Variants in SYT13 observed in about 807,000 individuals in gnomAD.
The protein encoded by SYT13 is synaptotagmin 13, also known as synaptotagmin-13.
SYT13 carries 21 observed loss-of-function variants against 38.6 expected under a neutral mutation model. The ratio of observed to expected loss-of-function variants is 0.54; its 90% CI spans 0.39 to 0.78. The LOEUF is 0.78. Ranked by LOEUF, SYT13 falls within the 30% of genes least tolerant of loss-of-function variation. The pLI is 0.00. For missense variants in SYT13, 495 were observed against 548.7 expected (o/e 0.90, Z 0.98); for synonymous variants, 241 against 237.6 (o/e 1.01, Z -0.13).
rs1230089176 is a variant in SYT13, at chr11:45,286,246, C to T, written c.-39G>A. On this transcript the variant is annotated 5_prime_UTR_variant, in exon 1 of 6. Transcript: ENST00000020926. The stretch of plus-strand genomic sequence containing the variant: ...GGCGAGGGGCTGGGTCCCGCAGCCG[C>T]TCACCTTCCCCGGGCCGGGCCCGCC... 1.9e-5 allele frequency: 28 copies of T among 1,493,844 alleles called. No homozygotes were observed. The highest frequency in any genetic ancestry group is 2.3e-5 in the Non-Finnish European group (26 of 1,124,340). 92.5% of individuals were successfully genotyped at this position (1,493,844 alleles called of 1,614,324 possible). A position where few individuals can be genotyped will look rare whatever the true frequency, so the allele number is the denominator to read the frequency against.
intron 1 of SYT13, among the ~76,000 whole-genome samples, chr11:45,271,742 C>A (rs1054406330): frequency 1.1e-4 from 17 of 152,116 alleles, no homozygotes; most frequent in Admixed American, 1.1e-3. Context: ...AGAAAACCAA[C>A]CTGGAGACAC....
rs753673371 is a variant in SYT13 at position 45,254,294 on chromosome 11, C to T, written c.520G>A (p.Glu174Lys). ...YCLDYDCQKAELFVTRLEAVT... is the reference protein window; with the variant it reads ...YCLDYDCQKAKLFVTRLEAVT... ...CCTTCCAGGCGAGTCACAAACAATT[C>T]TGCCTTCTGACAGTCATAGTCCAGG... Residue 174 changes from glutamate (E) to lysine (K), a missense_variant, in exon 3 of 6, where the codon GAA becomes AAA. Coordinates refer to ENST00000020926, the MANE Select transcript of SYT13 (RefSeq NM_020826.3). 3.1e-6 allele frequency: 5 copies of T among 1,612,480 alleles called. No individual in the cohort carries two copies. The highest frequency in any genetic ancestry group is 3.3e-5 in the Admixed American group (2 of 59,702).
chr11:45,263,768 A>G (rs1854848477), intron 1 of SYT13, among the ~76,000 whole-genome samples: 1 of 152,226 alleles, frequency 6.6e-6, no homozygotes, highest in Non-Finnish European at 1.5e-5. Context: ...TCAGGCTCTA[A>G]AACAAGACAG....
chr11:45,258,570 A>AAT (rs1432373475), intron 1 of SYT13: 2 of 152,332 alleles, frequency 1.3e-5, no homozygotes, highest in Middle Eastern at 3.4e-3. Context: ...AAACAGGTGA[A>AAT]ATAAATAAGT....
rs1854683462 is a variant in SYT13 at position 45,252,089 on chromosome 11, GCA to G, written c.846+330_846+331del. Among the ~76,000 whole-genome samples the G allele has an allele frequency of 6.6e-6, 1 of 152,222 alleles. No individual in the cohort carries two copies. Among genetic ancestry groups the G allele is most frequent in the Admixed American group, 6.5e-5 (1 of 15,284 alleles). Reference sequence around the variant, plus strand: ...CTGCAGTGTCTGCCACATCGTAGGAGCACACAGAGTATAACTGGATTGAAATG... The same window carrying G: ...CTGCAGTGTCTGCCACATCGTAGGAGCACAGAGTATAACTGGATTGAAATG... On this transcript the variant is annotated intron_variant, in intron 4 of 5. Transcript: ENST00000020926. The surrounding 1 kb of genome is among the most constrained non-coding windows in gnomAD (Gnocchi z 4.3).
At chr11:45,250,109 G>A (rs184990740) in intron 4 of SYT13, among the ~76,000 whole-genome samples, 81 of 152,254 alleles carry the variant, frequency 5.3e-4, no homozygotes, top group Admixed American at 2.4e-3. Flanking sequence ...TAGCTGGGGC[G>A]AGGGGCTGCC....
At chr11:45,251,100 G>A (rs973615328) in intron 4 of SYT13, among the ~76,000 whole-genome samples, 11 of 151,952 alleles carry the variant, frequency 7.2e-5, no homozygotes, top group African/African-American at 2.2e-4. Flanking sequence ...TTAAAAAATA[G>A]TACCCTTGGC....
At chr11:45,269,371 C>T (rs1854922285) in intron 1 of SYT13, 10 of 960,128 alleles carry the variant, frequency 1.0e-5, no homozygotes, top group South Asian at 6.8e-5. Flanking sequence ...CAAAAAACTC[C>T]GTGGGACTGG....
intron 1 of SYT13, 102 bp downstream of exon 1, chr11:45,285,923 T>C: frequency 6.7e-7 from 1 of 1,495,124 alleles, no homozygotes; most frequent in East Asian, 2.4e-5. Flanking sequence ...CCAAGCTTTG[T>C]CGCGCAAAGA....
rs2135891694 is a variant in SYT13, at chr11:45,254,375, T to A, written c.439A>T (p.Thr147Ser). ...GVVEDVCVME[T>S]WNPEKAASWN... The stretch of plus-strand genomic sequence containing the variant: ...CTGGCAGCCTTCTCTGGGTTCCAGG[T>A]CTCCATGACACAGACATCCTCCACC... Residue 147 changes from threonine (T) to serine (S), a missense_variant, in exon 3 of 6, where the codon ACC becomes TCC. Thr to Ser is a moderately conservative substitution (Grantham distance 58). Coordinates refer to ENST00000020926, the MANE Select transcript of SYT13 (RefSeq NM_020826.3). 6.2e-7 allele frequency: 1 copy of A among 1,613,522 alleles called. No individual in the cohort carries two copies. The highest frequency in any genetic ancestry group is 1.3e-5 in the African/African-American group (1 of 75,008).
intron 1 of SYT13, among the ~76,000 whole-genome samples, chr11:45,261,915 C>CA (rs35524066): frequency 0.46 from 59,923 of 130,416 alleles, 13,615 homozygotes; most frequent in Non-Finnish European, 0.56. Context: ...GACCTTGTCT[C>CA]AAAAAAAAAA....
At chr11:45,279,077 C>T (rs564781940) in intron 1 of SYT13, among the ~76,000 whole-genome samples, 4 of 152,300 alleles carry the variant, frequency 2.6e-5, no homozygotes, top group African/African-American at 9.6e-5. Context: ...TCTGGGGAAA[C>T]ACAATGGCTC....
intron 1 of SYT13, among the ~76,000 whole-genome samples, chr11:45,276,707 C>CT (rs903424420): frequency 6.1e-4 from 73 of 119,726 alleles, no homozygotes; most frequent in East Asian, 1.3e-3. Context: ...AGTAGGATGA[C>CT]TTTTTAAAAA....
chr11:45,254,877 G>C (rs1020114801), intron 2 of SYT13, among the ~76,000 whole-genome samples: 1 of 152,138 alleles, frequency 6.6e-6, no homozygotes, highest in African/African-American at 2.4e-5. Flanking sequence ...ACTTCGAGAG[G>C]CCAAGGCAAG....
chr11:45,250,553 G>A (rs751665004), intron 4 of SYT13, among the ~76,000 whole-genome samples: 13 of 152,292 alleles, frequency 8.5e-5, no homozygotes, highest in South Asian at 4.1e-4. Context: ...TCTGCATCTC[G>A]AGAGAAAGCT....
intron 1 of SYT13, among the ~76,000 whole-genome samples, chr11:45,258,933 C>T (rs1854780601): frequency 6.6e-6 from 1 of 152,206 alleles, no homozygotes; most frequent in African/African-American, 2.4e-5. Flanking sequence ...CTTCATCCTA[C>T]TGTTTCACAA....
chr11:45,242,044 A>C lies in SYT13; in HGVS notation c.*2008T>G, dbSNP rs1235830253. 1 of 152,224 alleles carries C rather than the reference A, an allele frequency of 6.6e-6. No homozygotes were observed. The highest frequency in any genetic ancestry group is 1.5e-5 in the Non-Finnish European group (1 of 68,030). The allele number at this position is 152,224 out of a possible 1,614,324, so 9.4% of individuals were successfully genotyped here. A position where few individuals can be genotyped will look rare whatever the true frequency, so the allele number is the denominator to read the frequency against. On this transcript the variant is annotated 3_prime_UTR_variant, in exon 6 of 6. Coordinates refer to ENST00000020926, the MANE Select transcript of SYT13 (RefSeq NM_020826.3). The stretch of plus-strand genomic sequence containing the variant: ...AGAAAAAATAATGACCACAGGTTAT[A>C]AGGCTCCTGCTCAGATTCTCAGGGA...
rs781698695 is a variant in SYT13, at chr11:45,252,372, C to G, written c.846+49G>C. On this transcript the variant is annotated intron_variant, in intron 4 of 5. Coordinates refer to ENST00000020926, the MANE Select transcript of SYT13 (RefSeq NM_020826.3). The surrounding 1 kb of genome is among the most constrained non-coding windows in gnomAD (Gnocchi z 4.3). The stretch of plus-strand genomic sequence containing the variant: ...TGGGAGGACACCAGGTTCTGCCATC[C>G]CATGCTGCACGGGCAGGTTTTACCT... 3 of 1,508,304 alleles carry G rather than the reference C, an allele frequency of 2.0e-6. No homozygotes were observed. Among genetic ancestry groups the G allele is most frequent in the Non-Finnish European group, 2.7e-6 (3 of 1,130,302 alleles). 93.4% of individuals were successfully genotyped at this position (1,508,304 alleles called of 1,614,324 possible). A position where few individuals can be genotyped will look rare whatever the true frequency, so the allele number is the denominator to read the frequency against.
chr11:45,261,999 T>A (rs1164095604), intron 1 of SYT13, among the ~76,000 whole-genome samples: 1 of 151,892 alleles, frequency 6.6e-6, no homozygotes, highest in Non-Finnish European at 1.5e-5. Context: ...GAAAGCAGGG[T>A]CTTTGAAGAT....
Sources: gnomAD v4.1 joint callset for allele counts (sites outside exome capture counted in the v4.1 genomes callset) on GRCh38, gnomAD v4.1.1 for gene constraint, Gnocchi (gnomAD v3.1) non-coding constraint, MANE v1.5 for transcripts, NCBI Gene and HGNC (gene_info 2026-07-23, HGNC 2026-07-21) for gene names.